Variants in EML5 observed in about 807,000 individuals in gnomAD.
The protein encoded by EML5 is echinoderm microtubule-associated protein-like 5.
EML5 carries 120 observed loss-of-function variants against 250.0 expected under a neutral mutation model. The ratio of observed to expected loss-of-function variants is 0.48; its 90% CI spans 0.41 to 0.56. EML5 has a LOEUF of 0.56. Ranked by LOEUF, EML5 falls within the 20% of genes least tolerant of loss-of-function variation. The pLI is 0.00. For missense variants in EML5, 2,006 were observed against 2,437.6 expected, an observed-to-expected ratio of 0.82 and a Z score of 3.73; for synonymous variants, 771 against 806.5, an observed-to-expected ratio of 0.96 and a Z score of 0.75.
At chr14:88,650,888 C>G (rs2091588724) in intron 27 of EML5, among the ~76,000 whole-genome samples, 1 of 152,172 alleles carries the variant, frequency 6.6e-6, no homozygotes, top group African/African-American at 2.4e-5. Context: ...GCAGTCCTCC[C>G]ACTTCAGCCT....
rs181133879 is a variant in EML5 at position 88,755,990 on chromosome 14, T to G, written c.198-1319A>C. Among the ~76,000 whole-genome samples, 304 of 152,292 alleles carry G rather than the reference T, an allele frequency of 2.0e-3. 1 individual carries two copies. Among genetic ancestry groups the G allele is most frequent in the Admixed American group, 3.2e-3 (49 of 15,302 alleles). ...ATGACTGCACCACTGCATTCCAGCC[T>G]GGGCTTCTGGGCCAGATCCTGTCTC... On this transcript the variant is annotated intron_variant, in intron 1 of 43. Transcript: ENST00000554922.
chr14:88,735,978 G>C (rs1223873151), intron 7 of EML5, among the ~76,000 whole-genome samples: 1 of 148,770 alleles, frequency 6.7e-6, no homozygotes, highest in East Asian at 2.0e-4. Context: ...AGCTAATAAA[G>C]TTTTAATCGG....
rs1566725538 is a variant in EML5 at position 88,736,368 on chromosome 14, C to T, written c.1045G>A (p.Val349Ile). The T allele has an allele frequency of 6.2e-7, 1 of 1,613,946 alleles. No individual in the cohort carries two copies. Residue 349 changes from valine to isoleucine, a missense_variant, in exon 7 of 44, where the codon GTC becomes ATC. Val to Ile is a conservative substitution (Grantham distance 29). Around this residue, in one of 7 missense-constraint regions of EML5, gnomAD observed 1,375 missense variants for 1,590.3 expected, o/e 0.86. Coordinates refer to ENST00000554922, the MANE Select transcript of EML5 (RefSeq NM_183387.3). ...LAVTGSDDRSVRIWSLVDHAL... is the reference protein window; with the variant it reads ...LAVTGSDDRSIRIWSLVDHAL... The stretch of plus-strand genomic sequence containing the variant: ...ATTAGTTTATAATTTGCTTACCTGA[C>T]CGAACGATCATCACTTCCAGTCACA...
At chr14:88,719,072 C>G (rs908112111) in intron 8 of EML5, among the ~76,000 whole-genome samples, 8 of 152,142 alleles carry the variant, frequency 5.3e-5, no homozygotes, top group Admixed American at 2.6e-4. Context: ...AGACAAGTGG[C>G]TAGCCATTGG....
In EML5 at chr14:88,704,974, T is replaced by C; in HGVS notation, c.1937A>G (p.Tyr646Cys). The change falls in exon 13 of 44, where the codon TAC becomes TGC. Residue 646 changes from tyrosine to cysteine, a missense_variant. Physicochemically the swap from Tyr to Cys is radical, Grantham distance 194 (BLOSUM62 -2). Coordinates refer to ENST00000554922, the MANE Select transcript of EML5 (RefSeq NM_183387.3). The stretch of plus-strand genomic sequence containing the variant: ...TTTAAGCTGAGGTAGATCTTCTTTG[T>C]AAACCTTTAAAAATGTATACAAGTA... ...ETQLTYRRQVYKEDLPQLKEQ... is the reference protein window; with the variant it reads ...ETQLTYRRQVCKEDLPQLKEQ... 6.2e-7 allele frequency: 1 copy of C among 1,600,668 alleles called. No individual in the cohort carries two copies. Among genetic ancestry groups the C allele is most frequent in the Non-Finnish European group, 8.5e-7 (1 of 1,170,072 alleles).
At chr14:88,664,701 T>G in intron 22 of EML5, 77 bp from the exon 23 acceptor site, 1 of 1,429,950 alleles carries the variant, frequency 7.0e-7, no homozygotes, top group Non-Finnish European at 9.5e-7. Flanking sequence ...AGAGTTAATT[T>G]TCCTTTTCTT....
At chr14:88,687,418 A>C in intron 18 of EML5, 91 bp from the exon 19 acceptor site, 1 of 885,888 alleles carries the variant, frequency 1.1e-6, no homozygotes, top group Admixed American at 3.2e-5. Context: ...TCTAGAAAAA[A>C]GAACATAGTC....
At position 88,627,011 on chromosome 14, in the gene EML5, G is replaced by A. The variant is rs369608013; in HGVS notation, c.4567C>T (p.Arg1523Cys). 8.7e-6 allele frequency: 14 copies of A among 1,613,664 alleles called. No individual in the cohort carries two copies. Among genetic ancestry groups the A allele is most frequent in the East Asian group, 2.2e-5 (1 of 44,880 alleles). Reference sequence around the variant, plus strand: ...GGTCGGAATTCTGCCACAAAAATACGTTGATTGTGACCAGCTCTGCTGGCA... The same window carrying A: ...GGTCGGAATTCTGCCACAAAAATACATTGATTGTGACCAGCTCTGCTGGCA... ...KIASRAGHNQ[R>C]IFVAEFRPDS... is the part of the protein sequence containing the mutation. Residue 1523 changes from arginine to cysteine, a missense_variant, in exon 35 of 44, where the codon CGT (arginine) becomes TGT (cysteine). Arg to Cys is a radical substitution (Grantham distance 180, BLOSUM62 -3). Transcript: ENST00000554922.
At position 88,625,091 on chromosome 14, in the gene EML5, C is replaced by T. The variant is rs1244619803; in HGVS notation, c.4777G>A (p.Val1593Ile). ...LTFTGTISGD[V>I]CVWKDHILCR... Reference sequence around the variant, plus strand: ...AATATGTGATCTTTCCACACACAGACATCACCACTGATGGTACCTGTAAAC... The same window carrying T: ...AATATGTGATCTTTCCACACACAGATATCACCACTGATGGTACCTGTAAAC... Residue 1593 changes from valine (V) to isoleucine (I), a missense_variant, in exon 36 of 44, where the codon GTC becomes ATC. Transcript: ENST00000554922. The T allele has an allele frequency of 3.1e-6, 5 of 1,613,834 alleles. No homozygotes were observed. The African/African-American group carries it at 6.7e-5, about 22-fold the overall frequency.
At chr14:88,736,002 T>C (rs926840125) in intron 7 of EML5, among the ~76,000 whole-genome samples, 33 of 124,314 alleles carry the variant, frequency 2.7e-4, no homozygotes, top group Admixed American at 9.3e-5. Context: ...ATTTTTTCTT[T>C]CTTTTTTTTT....
At chr14:88,690,196 G>A (rs1395448190) in intron 17 of EML5, among the ~76,000 whole-genome samples, 1 of 152,200 alleles carries the variant, frequency 6.6e-6, no homozygotes, top group African/African-American at 2.4e-5. Context: ...GGTTGGAGAG[G>A]TCTAAGGCAG....
At chr14:88,790,135 A>G (rs986251568) in intron 1 of EML5, among the ~76,000 whole-genome samples, 1 of 152,198 alleles carries the variant, frequency 6.6e-6, no homozygotes. Flanking sequence ...ATGATCTGTC[A>G]TTACTATTTG....
chr14:88,683,830 G>A (rs555704361), intron 20 of EML5, among the ~76,000 whole-genome samples: 4 of 152,198 alleles, frequency 2.6e-5, no homozygotes, highest in East Asian at 1.9e-4. Flanking sequence ...GAGCATCTAC[G>A]AAAAACCCAC....
At chr14:88,652,557 G>A (rs754309411) in intron 27 of EML5, among the ~76,000 whole-genome samples, 52 of 152,152 alleles carry the variant, frequency 3.4e-4, no homozygotes, top group Non-Finnish European at 3.2e-4. Context: ...CCACAAATTC[G>A]CTTGAATTTT....
intron 10 of EML5, among the ~76,000 whole-genome samples, chr14:88,707,003 A>T (rs1280704474): frequency 6.6e-6 from 1 of 152,212 alleles, no homozygotes; most frequent in African/African-American, 2.4e-5. Flanking sequence ...TAATCATTTT[A>T]AAAATCCAGA....
intron 2 of EML5, among the ~76,000 whole-genome samples, chr14:88,752,996 T>C (rs1467619870): frequency 2.0e-5 from 3 of 152,190 alleles, no homozygotes; most frequent in Non-Finnish European, 4.4e-5. Context: ...GTAACCTGGT[T>C]CTTCCTGGAC....
chr14:88,670,135 T>G (rs2092417646), intron 21 of EML5, among the ~76,000 whole-genome samples: 1 of 150,638 alleles, frequency 6.6e-6, no homozygotes. Flanking sequence ...ACCAAGATGG[T>G]GAAACCCCAT....
At chr14:88,721,857 C>T (rs1179929147) in intron 8 of EML5, among the ~76,000 whole-genome samples, 22 of 152,124 alleles carry the variant, frequency 1.4e-4, no homozygotes, top group Non-Finnish European at 3.1e-4. Context: ...AAAATATTTG[C>T]AATCTATCCA....
intron 33 of EML5, among the ~76,000 whole-genome samples, chr14:88,634,033 T>A (rs1016297881): frequency 2.0e-5 from 3 of 152,200 alleles, no homozygotes; most frequent in Middle Eastern, 3.2e-3. Flanking sequence ...TGATATGGTT[T>A]GGATATATGT....
Sources: allele counts gnomAD v4.1 joint callset (sites outside exome capture counted in the v4.1 genomes callset), GRCh38; gene constraint gnomAD v4.1.1; regional missense constraint gnomAD v4.1.1; transcripts MANE v1.5; gene names NCBI Gene and HGNC (gene_info 2026-07-23, HGNC 2026-07-21).